GRK3: variants seen among roughly 807,000 people sequenced by gnomAD.
The protein encoded by GRK3 is adrenergic, beta, receptor kinase 2.
In GRK3, 54 loss-of-function variants were observed where a neutral mutation model predicts 95.7. The ratio of observed to expected loss-of-function variants is 0.56; its 90% confidence interval spans 0.45 to 0.71. The LOEUF (loss-of-function observed/expected upper bound fraction) is 0.71. GRK3 is among the 30% of genes least tolerant of loss of function. The pLI is 0.00. For synonymous variants in GRK3, 281 were observed against 290.8 expected (o/e 0.97, Z 0.34); for missense variants, 649 against 851.2 (o/e 0.76, Z 2.96).
At chr22:25,583,908 A>T (rs1932192729) in intron 1 of GRK3, among the ~76,000 whole-genome samples, 1 of 152,320 alleles carries the variant, frequency 6.6e-6, no homozygotes, top group South Asian at 2.1e-4. Flanking sequence ...TTCAACCCCA[A>T]ATTTGGACAG....
intron 1 of GRK3, among the ~76,000 whole-genome samples, chr22:25,578,452 A>T (rs1446616941): frequency 6.6e-6 from 1 of 152,186 alleles, no homozygotes; most frequent in Non-Finnish European, 1.5e-5. Context: ...GCCCCCCTGA[A>T]ATATCCACAT....
chr22:25,653,377 A>G (rs922369085), intron 3 of GRK3, among the ~76,000 whole-genome samples: 2 of 152,258 alleles, frequency 1.3e-5, no homozygotes, highest in African/African-American at 4.8e-5. Flanking sequence ...TAACTACACT[A>G]GTATCAGGCA....
chr22:25,693,774 CTTTTTTTTTTTTT>C (rs542086916), intron 12 of GRK3, among the ~76,000 whole-genome samples: 3 of 112,840 alleles, frequency 2.7e-5, no homozygotes, highest in Admixed American at 9.4e-5. Flanking sequence ...GTTAAAAATT[CTTTTTTTTTTTTT>C]TTTTTTTTTG....
In GRK3 at chr22:25,727,843, A is replaced by C. The variant is rs1457114793; in HGVS notation, c.*5393A>C. 2 of 152,216 alleles carry C rather than the reference A, an allele frequency of 1.3e-5. No homozygotes were observed. Among genetic ancestry groups the C allele is most frequent in the African/African-American group, 4.8e-5 (2 of 41,466 alleles). 9.4% of individuals were successfully genotyped at this position (152,216 alleles called of 1,614,324 possible). On this transcript the variant is annotated 3_prime_UTR_variant, in exon 21 of 21. Coordinates refer to ENST00000324198, the MANE Select transcript of GRK3 (RefSeq NM_005160.4). Reference sequence around the variant, plus strand: ...GAAATTTACTTTCTTAGTTGATTATATTAAATGATGTATATATTATATGTG... The same window carrying C: ...GAAATTTACTTTCTTAGTTGATTATCTTAAATGATGTATATATTATATGTG...
chr22:25,585,488 A>G (rs1448025951), intron 1 of GRK3, among the ~76,000 whole-genome samples: 1 of 152,220 alleles, frequency 6.6e-6, no homozygotes, highest in Non-Finnish European at 1.5e-5. Flanking sequence ...CCTCATATAT[A>G]TGTCATGTGA....
chr22:25,616,787 G>T (rs2084542743), intron 2 of GRK3, among the ~76,000 whole-genome samples: 1 of 152,198 alleles, frequency 6.6e-6, no homozygotes, highest in Non-Finnish European at 1.5e-5. Flanking sequence ...TTGTCCTCAG[G>T]TCTAAAGATA....
At chr22:25,684,932 C>G (rs1302931795) in intron 9 of GRK3, among the ~76,000 whole-genome samples, 1 of 152,122 alleles carries the variant, frequency 6.6e-6, no homozygotes, top group Non-Finnish European at 1.5e-5. Context: ...TTTGAAGGTT[C>G]TCACCACAAA....
intron 2 of GRK3, among the ~76,000 whole-genome samples, chr22:25,621,642 A>G (rs2084586909): frequency 6.6e-6 from 1 of 152,226 alleles, no homozygotes; most frequent in Non-Finnish European, 1.5e-5. Context: ...TATTTGCATA[A>G]AGGGCAGCAA....
chr22:25,584,485 C>A (rs1048764255), intron 1 of GRK3, among the ~76,000 whole-genome samples: 1 of 152,172 alleles, frequency 6.6e-6, no homozygotes, highest in African/African-American at 2.4e-5. Context: ...GCGATGCTGG[C>A]AGTTCAGATA....
chr22:25,575,489 A>G (rs1931856983), intron 1 of GRK3, among the ~76,000 whole-genome samples: 1 of 152,174 alleles, frequency 6.6e-6, no homozygotes. Context: ...AACTTGCTGG[A>G]CTTCTCTTCT....
chr22:25,721,884 G>A (rs1472941701), intron 20 of GRK3, among the ~76,000 whole-genome samples: 1 of 152,072 alleles, frequency 6.6e-6, no homozygotes, highest in African/African-American at 2.4e-5. Context: ...ACACGTATTA[G>A]ATGCAAAAAA....
chr22:25,604,338 A>C, intron 1 of GRK3, 39 bp from the exon 2 acceptor site: 1 of 1,465,366 alleles, frequency 6.8e-7, no homozygotes, highest in Non-Finnish European at 9.5e-7. Flanking sequence ...CTCACGATGT[A>C]GGCTGTATTG....
At chr22:25,712,309 T>C (rs897670043) in intron 17 of GRK3, among the ~76,000 whole-genome samples, 9 of 152,196 alleles carry the variant, frequency 5.9e-5, no homozygotes, top group Non-Finnish European at 1.0e-4. Context: ...GGGGTCAGCA[T>C]TGAGACCGAT....
chr22:25,647,549 T>C, intron 3 of GRK3: 1 of 1,559,574 alleles, frequency 6.4e-7, no homozygotes, highest in Non-Finnish European at 8.8e-7. Flanking sequence ...GTTACTATAT[T>C]TGTGGCCTTA....
intron 1 of GRK3, among the ~76,000 whole-genome samples, chr22:25,578,472 C>G (rs1379325039): frequency 6.6e-6 from 1 of 152,170 alleles, no homozygotes; most frequent in African/African-American, 2.4e-5. Flanking sequence ...TCTTAATCCC[C>G]AGAACCTATG....
chr22:25,704,250 A>C (rs551406964), intron 15 of GRK3, 41 bp downstream of exon 15: 4 of 1,449,060 alleles, frequency 2.8e-6, no homozygotes, highest in Non-Finnish European at 3.9e-6. Flanking sequence ...TTACCAGAAG[A>C]GCAAAATAGT....
chr22:25,610,926 A>C (rs1324113854), intron 2 of GRK3, among the ~76,000 whole-genome samples: 1 of 151,958 alleles, frequency 6.6e-6, no homozygotes, highest in African/African-American at 2.4e-5. Flanking sequence ...CAGTAGCTCG[A>C]TCTCTGTTCA....
intron 1 of GRK3, among the ~76,000 whole-genome samples, chr22:25,575,826 A>ATAC (rs1931870989): frequency 6.6e-6 from 1 of 152,354 alleles, no homozygotes; most frequent in Admixed American, 6.5e-5. Context: ...TTCTCCTTAG[A>ATAC]TACTAGTGTC....
intron 3 of GRK3, among the ~76,000 whole-genome samples, chr22:25,645,704 C>T (rs1195478380): frequency 2.0e-5 from 3 of 152,008 alleles, no homozygotes; most frequent in Non-Finnish European, 4.4e-5. Context: ...GGGTGGATCA[C>T]GAGGTCAGGA....
Sources: gnomAD v4.1 joint callset for allele counts (sites outside exome capture counted in the v4.1 genomes callset) on GRCh38, gnomAD v4.1.1 for gene constraint, MANE v1.5 for transcripts, NCBI Gene and HGNC (gene_info 2026-07-23, HGNC 2026-07-21) for gene names.